Variants in DROSHA observed in about 807,000 individuals in gnomAD.
The protein encoded by DROSHA is drosha ribonuclease III, also known as ribonuclease 3.
In DROSHA, 56 loss-of-function variants were observed where a neutral mutation model predicts 181.9. The observed-to-expected ratio is 0.31, with a 90% confidence interval of 0.25 to 0.38. The LOEUF (loss-of-function observed/expected upper bound fraction) is 0.38, where lower values mean the gene tolerates loss of function less well. Ranked by LOEUF, DROSHA falls within the 10% of genes least tolerant of loss-of-function variation. The pLI is 1.00. For synonymous variants in DROSHA, 524 were observed against 591.2 expected, an observed-to-expected ratio of 0.89 and a Z score of 1.65; for missense variants, 1,218 against 1,743.5, an observed-to-expected ratio of 0.70 and a Z score of 5.37.
At chr5:31,407,930 A>G (rs899715070) in intron 33 of DROSHA, among the ~76,000 whole-genome samples, 2 of 152,224 alleles carry the variant, frequency 1.3e-5, no homozygotes, top group Admixed American at 6.5e-5. Context: ...CATTATGCTT[A>G]TTAGGCACAT....
intron 20 of DROSHA, among the ~76,000 whole-genome samples, chr5:31,459,002 C>T (rs1272625438): frequency 6.6e-6 from 1 of 152,122 alleles, no homozygotes; most frequent in Non-Finnish European, 1.5e-5. Flanking sequence ...GAGTGAGAAC[C>T]TACAGATTAA....
intron 5 of DROSHA, among the ~76,000 whole-genome samples, chr5:31,525,500 T>C (rs180718433): frequency 1.1e-5 from 1 of 92,188 alleles, no homozygotes; most frequent in East Asian, 2.9e-4. Context: ...CGAGATTCTG[T>C]CACAAAAAAA....
rs375240398 is a variant in DROSHA, at chr5:31,498,172, G to A, written c.1669-2800C>T. Among the ~76,000 whole-genome samples, 15 of 152,302 alleles carry A rather than the reference G, an allele frequency of 9.8e-5. No individual in the cohort carries two copies. The East Asian group carries it at 1.9e-3, about 20-fold the overall frequency. ...GGCTAGGTTGTAGACTGCTGACACA[G>A]GCTGACACGGACAACACTGCTGACA... On this transcript the variant is annotated intron_variant, in intron 11 of 35. Coordinates refer to ENST00000344624, the MANE Select transcript of DROSHA (RefSeq NM_001382508.1).
At position 31,526,429 on chromosome 5, in the gene DROSHA, G is replaced by A. The variant is rs1226305324; in HGVS notation, c.504C>T (p.Tyr168=). 24 of 1,611,976 alleles carry A rather than the reference G, an allele frequency of 1.5e-5. No homozygotes were observed. Among genetic ancestry groups the A allele is most frequent in the Non-Finnish European group, 1.9e-5 (22 of 1,179,324 alleles). Residue 168 remains tyrosine (Y), a synonymous_variant, in exon 5 of 36, where the codon TAC becomes TAT. Coordinates refer to ENST00000344624, the MANE Select transcript of DROSHA (RefSeq NM_001382508.1). ...AGTTGTGGTGAGAATAGCCCGGAGGGTACTGATAATTAACCTGCTGCGGCA... is the reference window on the plus strand; with the variant it reads ...AGTTGTGGTGAGAATAGCCCGGAGGATACTGATAATTAACCTGCTGCGGCA... ...PVMPQQVNYQ[Y]PPGYSHHNFP...
chr5:31,526,169 C>T lies in DROSHA; in HGVS notation c.764G>A (p.Ser255Asn). 1 of 1,613,836 alleles carries T rather than the reference C, an allele frequency of 6.2e-7. No individual in the cohort carries two copies. Among genetic ancestry groups the T allele is most frequent in the Non-Finnish European group, 8.5e-7 (1 of 1,179,840 alleles). ...RSLDRRERGR[S>N]PDRRRQDSRY... ...GCTGTCTTGTCTTCTCCTGTCGGGA[C>T]TGCGGCCTCGCTCCCGCCGATCCAG... Residue 255 changes from serine to asparagine, a missense_variant, in exon 5 of 36, where the codon AGT (serine) becomes AAT (asparagine). This residue lies in a region of DROSHA where 536 missense variants were observed against 535.4 expected (regional missense o/e 1.00). Coordinates refer to ENST00000344624, the MANE Select transcript of DROSHA (RefSeq NM_001382508.1).
chr5:31,445,158 C>T (rs918559735), intron 23 of DROSHA, among the ~76,000 whole-genome samples: 4 of 152,204 alleles, frequency 2.6e-5, no homozygotes, highest in African/African-American at 9.6e-5. Context: ...AAAAACAAAG[C>T]CACCCTCAAG....
intron 10 of DROSHA, chr5:31,505,842 G>A (rs1737867594): frequency 6.6e-6 from 1 of 151,894 alleles, no homozygotes; most frequent in African/African-American, 2.4e-5. Context: ...TAAAGTTATG[G>A]AGATTTATAA....
At chr5:31,500,315 A>AC (rs1753449198) in intron 11 of DROSHA, among the ~76,000 whole-genome samples, 1 of 152,202 alleles carries the variant, frequency 6.6e-6, no homozygotes, top group African/African-American at 2.4e-5. Flanking sequence ...TCTGCAGAGG[A>AC]CCTGATGATG....
Position 31,410,658 on chromosome 5 carries a change from CATA to C in DROSHA, c.3667+85_3667+87del, listed in dbSNP as rs1741198718. 8 of 1,481,578 alleles carry C rather than the reference CATA, an allele frequency of 5.4e-6. No homozygotes were observed. The South Asian group carries it at 7.1e-5, about 13-fold the overall frequency. 91.8% of individuals were successfully genotyped at this position (1,481,578 alleles called of 1,614,324 possible). A position where few individuals can be genotyped will look rare whatever the true frequency, so the allele number is the denominator to read the frequency against. On this transcript the variant is annotated intron_variant, in intron 31 of 35. Coordinates refer to ENST00000344624, the MANE Select transcript of DROSHA (RefSeq NM_001382508.1). ...GCAAACAAGGTTTCTTTAGCCAGAACATAATAATAATGAGGAGGAGGACAAATA... is the reference window on the plus strand; with the variant it reads ...GCAAACAAGGTTTCTTTAGCCAGAACATAATAATGAGGAGGAGGACAAATA...
At chr5:31,461,516 T>C (rs1420978825) in intron 20 of DROSHA, among the ~76,000 whole-genome samples, 2 of 152,024 alleles carry the variant, frequency 1.3e-5, no homozygotes, top group African/African-American at 4.8e-5. Context: ...GTGAGAAGAG[T>C]CAAGGGAGTT....
intron 6 of DROSHA, among the ~76,000 whole-genome samples, chr5:31,517,459 A>G (rs1200308465): frequency 6.6e-6 from 1 of 152,216 alleles, no homozygotes; most frequent in Non-Finnish European, 1.5e-5. Flanking sequence ...TCCAAGGTGT[A>G]AGGCAGAAAT....
At position 31,514,374 on chromosome 5, in the gene DROSHA, C is replaced by T. The variant is rs915157007; in HGVS notation, c.1290+614G>A. ...ATGTAGAATAGGCTGGGCACAGTGG[C>T]TCACACCTGTAATCCCAGCACTTTG... On this transcript the variant is annotated intron_variant, in intron 8 of 35. Transcript: ENST00000344624. The surrounding 1 kb of genome is among the most constrained non-coding windows in gnomAD (Gnocchi z 4.4). Among the ~76,000 whole-genome samples the T allele has an allele frequency of 2.6e-5, 4 of 152,094 alleles. No individual in the cohort carries two copies. The highest frequency in any genetic ancestry group is 9.7e-5 in the African/African-American group (4 of 41,420).
chr5:31,508,537 G>C, intron 10 of DROSHA, 84 bp downstream of exon 10: 1 of 1,580,202 alleles, frequency 6.3e-7, no homozygotes, highest in Non-Finnish European at 8.6e-7. Context: ...TTCAATACTA[G>C]GCAACATGTA....
At chr5:31,496,133 C>T (rs963190611) in intron 11 of DROSHA, among the ~76,000 whole-genome samples, 2 of 152,122 alleles carry the variant, frequency 1.3e-5, no homozygotes, top group South Asian at 4.1e-4. Context: ...TGGGACTCAC[C>T]TTAAAAACAA....
intron 25 of DROSHA, among the ~76,000 whole-genome samples, chr5:31,433,027 A>G (rs1051149528): frequency 6.6e-6 from 1 of 152,246 alleles, no homozygotes; most frequent in Non-Finnish European, 1.5e-5. Context: ...TTCAATAAAT[A>G]CTAAGCAATA....
chr5:31,447,054 G>C (rs1746397105), intron 23 of DROSHA, among the ~76,000 whole-genome samples: 1 of 152,010 alleles, frequency 6.6e-6, no homozygotes, highest in African/African-American at 2.4e-5. Context: ...AAAAAAATGT[G>C]GTACTTACAC....
intron 16 of DROSHA, among the ~76,000 whole-genome samples, chr5:31,473,128 TGAACAGTAGTACAG>T (rs1190203285): frequency 6.6e-6 from 1 of 152,160 alleles, no homozygotes; most frequent in Non-Finnish European, 1.5e-5. Flanking sequence ...AGATAGGCTA[TGAACAGTAGTACAG>T]GACCAAACAC....
intron 10 of DROSHA, among the ~76,000 whole-genome samples, chr5:31,507,753 G>GTAC (rs1477594705): frequency 2.6e-5 from 4 of 152,198 alleles, no homozygotes; most frequent in African/African-American, 9.6e-5. Context: ...TTATAAATTT[G>GTAC]AAGTACAATT....
At chr5:31,468,979 C>T (rs1414015065) in intron 17 of DROSHA, among the ~76,000 whole-genome samples, 2 of 152,196 alleles carry the variant, frequency 1.3e-5, no homozygotes, top group Non-Finnish European at 2.9e-5. Context: ...ACCAGGAAAT[C>T]TCTCAGCAAC....
Sources: allele counts gnomAD v4.1 joint callset (sites outside exome capture counted in the v4.1 genomes callset), GRCh38; gene constraint gnomAD v4.1.1; regional missense constraint gnomAD v4.1.1; non-coding constraint Gnocchi (gnomAD v3.1); transcripts MANE v1.5; gene names NCBI Gene and HGNC (gene_info 2026-07-23, HGNC 2026-07-21).